DVL3: variants seen among roughly 807,000 people sequenced by gnomAD.
DVL3 encodes the protein segment polarity protein dishevelled homolog DVL-3.
A neutral mutation model predicts 67.4 loss-of-function variants in DVL3; 27 were observed. That is an observed-to-expected ratio of 0.40 (90% CI 0.30 to 0.55). The LOEUF is 0.55. DVL3 is among the 20% of genes least tolerant of loss of function. DVL3 has a pLI of 0.46. For missense variants in DVL3, 819 were observed against 1,021.5 expected, an observed-to-expected ratio of 0.80 and a Z score of 2.70; for synonymous variants, 369 against 396.8, an observed-to-expected ratio of 0.93 and a Z score of 0.83.
chr3:184,165,592 GCT>G lies in DVL3; in HGVS notation c.763+106_763+107del. On this transcript the variant is annotated intron_variant, in intron 7 of 14. Transcript: ENST00000313143. The surrounding 1 kb of genome is among the most constrained non-coding windows in gnomAD (Gnocchi z 4.1). ...AGAATATGTTCCCTGCCCTCAAGGA[GCT>G]CTCTTTCGTAAACATCAGCTGATAC... 1 of 1,020,012 alleles carries G rather than the reference GCT, an allele frequency of 9.8e-7. No individual in the cohort carries two copies. Among genetic ancestry groups the G allele is most frequent in the African/African-American group, 1.6e-5 (1 of 63,252 alleles). 63.2% of individuals were successfully genotyped at this position (1,020,012 alleles called of 1,614,324 possible).
rs1049925390 is a variant in DVL3 at position 184,165,820 on chromosome 3, T to C, written c.764-306T>C. On this transcript the variant is annotated intron_variant, in intron 7 of 14. Transcript: ENST00000313143. The surrounding 1 kb of genome is among the most constrained non-coding windows in gnomAD (Gnocchi z 4.1). ...ACTCTCTTTATGAGACAGCTGGATA[T>C]AGTAAAAGGAGCCCAACTATGGGAT... 6.6e-6 allele frequency among the ~76,000 whole-genome samples: 1 copy of C among 152,214 alleles called. No homozygotes were observed. Among genetic ancestry groups the C allele is most frequent in the Non-Finnish European group, 1.5e-5 (1 of 68,038 alleles).
At position 184,167,292 on chromosome 3, in the gene DVL3, G is replaced by A. The variant is rs980901311; in HGVS notation, c.1199-288G>A. Among the ~76,000 whole-genome samples, 3 of 152,198 alleles carry A rather than the reference G, an allele frequency of 2.0e-5. No homozygotes were observed. Among genetic ancestry groups the A allele is most frequent in the Non-Finnish European group, 2.9e-5 (2 of 68,046 alleles). On this transcript the variant is annotated intron_variant, in intron 11 of 14. Transcript: ENST00000313143. This position sits in a 1 kb window ranked among gnomAD's most constrained non-coding sequence, Gnocchi z 4.6. ...GTGAAGCACCATTGCGATGTGTGGT[G>A]TAAAGTAAGCATTCAGTAAACGGCA...
Position 184,165,977 on chromosome 3 carries a change from A to C in DVL3, c.764-149A>C. On this transcript the variant is annotated intron_variant, in intron 7 of 14. Coordinates refer to ENST00000313143, the MANE Select transcript of DVL3 (RefSeq NM_004423.4). This position sits in a 1 kb window ranked among gnomAD's most constrained non-coding sequence, Gnocchi z 4.1. ...CTACCTTATAGCCAGCAAGGGTTCC[A>C]TGGAAGCATGTTTGAGCATGCTGAG... is the stretch of plus-strand genomic sequence containing the variant. 2 of 951,118 alleles carry C rather than the reference A, an allele frequency of 2.1e-6. No individual in the cohort carries two copies. Among genetic ancestry groups the C allele is most frequent in the Non-Finnish European group, 1.5e-6 (1 of 646,770 alleles). 58.9% of individuals were successfully genotyped at this position (951,118 alleles called of 1,614,324 possible). A position where few individuals can be genotyped will look rare whatever the true frequency, so the allele number is the denominator to read the frequency against.
In DVL3 at chr3:184,165,119, C is replaced by T; in HGVS notation, c.606C>T (p.Ser202=). The part of the protein sequence containing the change: ...SDEDDSTSRF[S]SSTEQSSASR... ...ACGACTGTGGGCCCCACAGGTTCAG[C>T]AGCTCCACAGAACAGAGCAGTGCCT... Residue 202 remains serine, a synonymous_variant, in exon 6 of 15, where the codon AGC becomes AGT. Coordinates refer to ENST00000313143, the MANE Select transcript of DVL3 (RefSeq NM_004423.4). This position sits in a 1 kb window ranked among gnomAD's most constrained non-coding sequence, Gnocchi z 4.1. 2 of 1,613,964 alleles carry T rather than the reference C, an allele frequency of 1.2e-6. No homozygotes were observed. The highest frequency in any genetic ancestry group is 1.3e-5 in the African/African-American group (1 of 75,044).
At position 184,170,382 on chromosome 3, in the gene DVL3, C is replaced by T. The variant is rs764799867; in HGVS notation, c.1778C>T (p.Ala593Val). The T allele has an allele frequency of 2.5e-6, 4 of 1,605,180 alleles. No homozygotes were observed. In the South Asian group the frequency reaches 4.4e-5, roughly 18 times the overall value. ...SDRRKEKDPK[A>V]GDSKSGGSGS... is the part of the protein sequence containing the mutation. The stretch of plus-strand genomic sequence containing the variant: ...CGGAGGAAGGAGAAGGACCCGAAGG[C>T]CGGGGACTCCAAGTCCGGGGGCAGC... The change falls in exon 15 of 15, where the codon GCC becomes GTC. Residue 593 changes from alanine to valine, a missense_variant. By Grantham distance (64) the Ala-to-Val change is moderately conservative (BLOSUM62 0). Transcript: ENST00000313143. The surrounding 1 kb of genome is among the most constrained non-coding windows in gnomAD (Gnocchi z 6.5).
In DVL3 at chr3:184,170,078, TGCCGCACCCGGGGGCCGCCCCTTG is replaced by T; in HGVS notation, c.1575_1598del (p.His526_Pro533del). On this transcript the variant is annotated inframe_deletion, in exon 14 of 15. Transcript: ENST00000313143. This position sits in a 1 kb window ranked among gnomAD's most constrained non-coding sequence, Gnocchi z 6.5. The stretch of plus-strand genomic sequence containing the variant: ...TCTGACCAGGACACACTGGCCCCTT[TGCCGCACCCGGGGGCCGCCCCTTG>T]GCCCATGGCTTTCCCGTACCAGTAC... 6.8e-6 allele frequency: 11 copies of T among 1,613,992 alleles called. No homozygotes were observed. Among genetic ancestry groups the T allele is most frequent in the Non-Finnish European group, 8.5e-6 (10 of 1,179,974 alleles).
intron 1 of DVL3, among the ~76,000 whole-genome samples, chr3:184,156,600 C>T (rs1299656275): frequency 1.3e-5 from 2 of 152,216 alleles, no homozygotes; most frequent in African/African-American, 2.4e-5. Context: ...CCCTTCCACC[C>T]AGCTGCAGAG....
At position 184,170,649 on chromosome 3, in the gene DVL3, C is replaced by T; in HGVS notation, c.2045C>T (p.Pro682Leu). Residue 682 changes from proline to leucine, a missense_variant, in exon 15 of 15, where the codon CCT becomes CTT. Transcript: ENST00000313143. The surrounding 1 kb of genome is among the most constrained non-coding windows in gnomAD (Gnocchi z 6.5). The stretch of plus-strand genomic sequence containing the variant: ...GCGGCCATGGGGCCCCCAGGAGCCC[C>T]TCCGGGCCGCGACCTGGCCTCAGTG... ...PPAAMGPPGA[P>L]PGRDLASVPP... 1 of 1,612,512 alleles carries T rather than the reference C, an allele frequency of 6.2e-7. No individual in the cohort carries two copies. The highest frequency in any genetic ancestry group is 8.5e-7 in the Non-Finnish European group (1 of 1,179,286).
intron 1 of DVL3, among the ~76,000 whole-genome samples, chr3:184,157,801 A>AAAAAAAC (rs1335631924): frequency 6.6e-6 from 1 of 152,230 alleles, no homozygotes; most frequent in Non-Finnish European, 1.5e-5. Context: ...ATTAAAAATG[A>AAAAAAAC]AGTGGAGGAG....
intron 1 of DVL3, among the ~76,000 whole-genome samples, chr3:184,158,771 T>A (rs1197562600): frequency 2.2e-5 from 3 of 133,826 alleles, no homozygotes; most frequent in Non-Finnish European, 4.9e-5. Flanking sequence ...TCTTTTTAAA[T>A]TTTTTTTCTT....
chr3:184,164,877 G>T lies in DVL3; in HGVS notation c.545G>T (p.Ser182Ile). 1 of 1,614,258 alleles carries T rather than the reference G, an allele frequency of 6.2e-7. No homozygotes were observed. Among genetic ancestry groups the T allele is most frequent in the Non-Finnish European group, 8.5e-7 (1 of 1,180,040 alleles). Residue 182 changes from serine (S) to isoleucine (I), a missense_variant, in exon 5 of 15, where the codon AGT becomes ATT. Ser to Ile is a moderately radical substitution (Grantham distance 142). Transcript: ENST00000313143. This position sits in a 1 kb window ranked among gnomAD's most constrained non-coding sequence, Gnocchi z 5.3. ...GATAGCTCATCCACCCTTATGAGCA[G>T]TGAGCTGGAGACCACCAGCTTCTTT... The part of the protein sequence containing the change: ...GYDSSSTLMS[S>I]ELETTSFFDS...
rs35869796 is a variant in DVL3 at position 184,162,560 on chromosome 3, C to CTTTTTTT, written c.162-1086_162-1080dup. ...CCCCTTCTCTTTTTCTTTTTCTTTT[C>CTTTTTTT]TTTTTTTTTTTTTTTTTGACACGGA... is the stretch of plus-strand genomic sequence containing the variant. On this transcript the variant is annotated intron_variant, in intron 1 of 14. Transcript: ENST00000313143. Among the ~76,000 whole-genome samples, 132 of 123,470 alleles carry CTTTTTTT rather than the reference C, an allele frequency of 1.1e-3. 2 individuals are homozygous for CTTTTTTT. Among genetic ancestry groups the CTTTTTTT allele is most frequent in the East Asian group, 2.6e-3 (11 of 4,246 alleles). 81.0% of individuals were successfully genotyped at this position (123,470 alleles called of 152,430 possible).
chr3:184,165,127 C>T lies in DVL3; in HGVS notation c.614C>T (p.Thr205Ile). The T allele has an allele frequency of 1.2e-6, 2 of 1,613,880 alleles. No homozygotes were observed. The highest frequency in any genetic ancestry group is 1.7e-6 in the Non-Finnish European group (2 of 1,179,922). Reference protein sequence around the residue: ...DDSTSRFSSSTEQSSASRLMR... With the variant: ...DDSTSRFSSSIEQSSASRLMR... ...GGGCCCCACAGGTTCAGCAGCTCCA[C>T]AGAACAGAGCAGTGCCTCACGCCTG... Residue 205 changes from threonine (T) to isoleucine (I), a missense_variant, in exon 6 of 15, where the codon ACA becomes ATA. Physicochemically the swap from Thr to Ile is moderately conservative, Grantham distance 89. Around this residue, in one of 3 missense-constraint regions of DVL3, gnomAD observed 385 missense variants for 486.8 expected, o/e 0.79. Transcript: ENST00000313143. This position sits in a 1 kb window ranked among gnomAD's most constrained non-coding sequence, Gnocchi z 4.1.
rs1714785156 is a variant in DVL3, at chr3:184,170,498, C to T, written c.1894C>T (p.His632Tyr). 6.2e-7 allele frequency: 1 copy of T among 1,600,846 alleles called. No homozygotes were observed. Among genetic ancestry groups the T allele is most frequent in the Non-Finnish European group, 8.5e-7 (1 of 1,173,836 alleles). Residue 632 changes from histidine (H) to tyrosine (Y), a missense_variant, in exon 15 of 15, where the codon CAC becomes TAC. Around this residue, in one of 3 missense-constraint regions of DVL3, gnomAD observed 324 missense variants for 331.3 expected, o/e 0.98. Transcript: ENST00000313143. This position sits in a 1 kb window ranked among gnomAD's most constrained non-coding sequence, Gnocchi z 6.5. ...SERSGPAASE[H>Y]SHRSHHSLAS... ...GCGCTCAGGGCCGGCGGCCAGCGAG[C>T]ACAGCCACCGCAGCCACCATTCCCT...
chr3:184,157,947 G>A, intron 1 of DVL3, among the ~76,000 whole-genome samples: 1 of 152,216 alleles, frequency 6.6e-6, no homozygotes, highest in East Asian at 1.9e-4. Flanking sequence ...TGCTTAGTGT[G>A]CCAGGGACTA....
intron 13 of DVL3, among the ~76,000 whole-genome samples, chr3:184,168,795 G>A (rs975324922): frequency 2.0e-5 from 3 of 152,224 alleles, no homozygotes; most frequent in Non-Finnish European, 2.9e-5. Context: ...TCCCAGGCAG[G>A]TATTCAGTCC....
rs766227346 is a variant in DVL3 at position 184,155,591 on chromosome 3, G to T, written c.-45G>T. ...GCCGTCTGGGAGGCTCGGCCCGGCC[G>T]CCCGAGCAGGCCGCGCGCGGGCCGC... On this transcript the variant is annotated 5_prime_UTR_variant, in exon 1 of 15. Coordinates refer to ENST00000313143, the MANE Select transcript of DVL3 (RefSeq NM_004423.4). This position sits in a 1 kb window ranked among gnomAD's most constrained non-coding sequence, Gnocchi z 5.4. The T allele has an allele frequency of 5.3e-6, 6 of 1,124,278 alleles. No homozygotes were observed. In the South Asian group the frequency reaches 2.1e-4, roughly 39 times the overall value. 69.6% of individuals were successfully genotyped at this position (1,124,278 alleles called of 1,614,324 possible).
rs1714620038 is a variant in DVL3 at position 184,167,053 on chromosome 3, C to CT, written c.1198+80dup. 6.5e-7 allele frequency: 1 copy of CT among 1,532,964 alleles called. No individual in the cohort carries two copies. The allele number at this position is 1,532,964 out of a possible 1,614,324, so 95.0% of individuals were successfully genotyped here. ...ACTGATGAGGGTCCATGTGGAGACTCTTGCTTGAGCATCAGAGAGGGCTGG... is the reference window on the plus strand; with the variant it reads ...ACTGATGAGGGTCCATGTGGAGACTCTTTGCTTGAGCATCAGAGAGGGCTGG... On this transcript the variant is annotated intron_variant, in intron 11 of 14. Transcript: ENST00000313143. The surrounding 1 kb of genome is among the most constrained non-coding windows in gnomAD (Gnocchi z 4.6).
rs796794029 is a variant in DVL3 at position 184,163,047 on chromosome 3, C to T, written c.162-610C>T. Among the ~76,000 whole-genome samples the T allele has an allele frequency of 5.3e-4, 80 of 152,096 alleles. 1 individual carries two copies. Among genetic ancestry groups the T allele is most frequent in the African/African-American group, 1.8e-3 (76 of 41,482 alleles). ...GTAGATGGGTGCACACCACCACACC[C>T]GGCTAATTTTTGTATTTTTAGTAGA... On this transcript the variant is annotated intron_variant, in intron 1 of 14. Coordinates refer to ENST00000313143, the MANE Select transcript of DVL3 (RefSeq NM_004423.4). The surrounding 1 kb of genome is among the most constrained non-coding windows in gnomAD (Gnocchi z 4.5).
Sources: gnomAD v4.1 joint callset for allele counts (sites outside exome capture counted in the v4.1 genomes callset) on GRCh38, gnomAD v4.1.1 for gene constraint, gnomAD v4.1.1 regional missense constraint, Gnocchi (gnomAD v3.1) non-coding constraint, MANE v1.5 for transcripts, NCBI Gene and HGNC (gene_info 2026-07-23, HGNC 2026-07-21) for gene names.